The following TRPC4 variants were observed in gnomAD, a reference collection of about 807,000 sequenced individuals.
The protein encoded by TRPC4 is short transient receptor potential channel 4.
A neutral mutation model predicts 99.4 loss-of-function variants in TRPC4; 49 were observed. That is an observed-to-expected ratio of 0.49 (90% CI 0.39 to 0.63). The LOEUF (loss-of-function observed/expected upper bound fraction) is 0.63. Ranked by LOEUF, TRPC4 falls within the 20% of genes least tolerant of loss-of-function variation. The pLI is 0.00. For missense variants in TRPC4, 898 were observed against 1,152.9 expected (o/e 0.78, Z 3.20); for synonymous variants, 454 against 425.9 (o/e 1.07, Z -0.81).
chr13:37,850,465 T>C (rs1377190992), intron 1 of TRPC4, among the ~76,000 whole-genome samples: 1 of 152,214 alleles, frequency 6.6e-6, no homozygotes, highest in Non-Finnish European at 1.5e-5. Context: ...TTGGCAAGAA[T>C]AATATTACTT....
At position 37,812,180 on chromosome 13, in the gene TRPC4, A is replaced by AAAAAAAACAAACAAAC. The variant is rs1555276065; in HGVS notation, c.-27-28821_-27-28820insGTTTGTTTGTTTTTTT. The stretch of plus-strand genomic sequence containing the variant: ...GGCAACAGACTGAGACTCTATCAAA[A>AAAAAAAACAAACAAAC]AAAAAAAAAAAAAAACCAGGAGATC... On this transcript the variant is annotated intron_variant, in intron 1 of 10. Coordinates refer to ENST00000379705, the MANE Select transcript of TRPC4 (RefSeq NM_016179.4). Among the ~76,000 whole-genome samples, 425 of 145,724 alleles carry AAAAAAAACAAACAAAC rather than the reference A, an allele frequency of 2.9e-3. 16 individuals carry two copies. Among genetic ancestry groups the AAAAAAAACAAACAAAC allele is most frequent in the African/African-American group, 0.01 (400 of 38,460 alleles).
chr13:37,849,790 G>A (rs558340765), intron 1 of TRPC4, among the ~76,000 whole-genome samples: 87 of 152,284 alleles, frequency 5.7e-4, no homozygotes, highest in African/African-American at 2.0e-3. Flanking sequence ...TGTGTTGGGA[G>A]CCAATCATGG....
intron 1 of TRPC4, among the ~76,000 whole-genome samples, chr13:37,841,589 A>G (rs925853495): frequency 2.6e-5 from 4 of 152,012 alleles, no homozygotes; most frequent in African/African-American, 7.2e-5. Context: ...AAAAACAGAA[A>G]GAGAAGCTTT....
At chr13:37,869,253 C>T (rs1960000096) in intron 1 of TRPC4, among the ~76,000 whole-genome samples, 1 of 152,010 alleles carries the variant, frequency 6.6e-6, no homozygotes, top group Non-Finnish European at 1.5e-5. Flanking sequence ...TCCCCAGCAC[C>T]ACGGCGTGGC....
intron 1 of TRPC4, among the ~76,000 whole-genome samples, chr13:37,802,332 C>T (rs578119885): frequency 6.6e-6 from 1 of 152,204 alleles, no homozygotes; most frequent in East Asian, 1.9e-4. Flanking sequence ...TTTCAGGATC[C>T]ATCTCAGGAT....
chr13:37,792,921 C>T (rs1237103923), intron 1 of TRPC4, among the ~76,000 whole-genome samples: 1 of 151,818 alleles, frequency 6.6e-6, no homozygotes, highest in Non-Finnish European at 1.5e-5. Flanking sequence ...TTAGGCATTG[C>T]CGTTGTTTTT....
At chr13:37,756,190 A>G (rs763791621) in intron 2 of TRPC4, among the ~76,000 whole-genome samples, 2 of 152,230 alleles carry the variant, frequency 1.3e-5, no homozygotes, top group Non-Finnish European at 2.9e-5. Context: ...ACACACATAC[A>G]TACACACACA....
intron 3 of TRPC4, among the ~76,000 whole-genome samples, chr13:37,739,762 C>T (rs529010743): frequency 2.6e-5 from 4 of 151,938 alleles, no homozygotes; most frequent in Non-Finnish European, 5.9e-5. Flanking sequence ...CCTCGGCCTC[C>T]CAAAGTGCTG....
At chr13:37,667,517 A>C (rs1420225000) in intron 5 of TRPC4, among the ~76,000 whole-genome samples, 1 of 152,146 alleles carries the variant, frequency 6.6e-6, no homozygotes, top group Non-Finnish European at 1.5e-5. Context: ...ACAATTGGCC[A>C]GGCTGGTCTT....
At chr13:37,824,276 C>A (rs1958129019) in intron 1 of TRPC4, among the ~76,000 whole-genome samples, 1 of 146,908 alleles carries the variant, frequency 6.8e-6, no homozygotes, top group African/African-American at 2.5e-5. Flanking sequence ...CCTTCTCCTG[C>A]CTAATTGCCC....
At chr13:37,639,419 A>G (rs1466313763) in intron 8 of TRPC4, 120 bp from the exon 9 acceptor site, 37 of 1,005,618 alleles carry the variant, frequency 3.7e-5, no homozygotes, top group Non-Finnish European at 5.2e-5. Context: ...GAGTTTTACT[A>G]GTCAATGGAC....
In TRPC4 at chr13:37,824,498, G is replaced by T. The variant is rs941469022; in HGVS notation, c.-27-41138C>A. Among the ~76,000 whole-genome samples, 7 of 151,910 alleles carry T rather than the reference G, an allele frequency of 4.6e-5. No individual in the cohort carries two copies. In the East Asian group the frequency reaches 1.2e-3, roughly 25 times the overall value. On this transcript the variant is annotated intron_variant, in intron 1 of 10. Transcript: ENST00000379705. ...TTAGCATGAAGGGTTGTTGAATTTT[G>T]TCAAAGGCCTTTTCTGAATCTATTG...
chr13:37,706,304 C>T (rs964832901), intron 3 of TRPC4, among the ~76,000 whole-genome samples: 21 of 152,076 alleles, frequency 1.4e-4, no homozygotes, highest in African/African-American at 3.9e-4. Context: ...ACAACAAGGA[C>T]GCTTTATATT....
chr13:37,743,316 A>T (rs1309170026), intron 3 of TRPC4, among the ~76,000 whole-genome samples: 1 of 152,184 alleles, frequency 6.6e-6, no homozygotes, highest in African/African-American at 2.4e-5. Context: ...TCATATTAGC[A>T]AGAATACAAA....
chr13:37,841,447 T>G (rs954225515), intron 1 of TRPC4, among the ~76,000 whole-genome samples: 2 of 151,332 alleles, frequency 1.3e-5, no homozygotes, highest in African/African-American at 4.9e-5. Flanking sequence ...CATTTCTAGT[T>G]AAGAGGATGA....
At chr13:37,689,190 C>T (rs1953597250) in intron 4 of TRPC4, among the ~76,000 whole-genome samples, 1 of 152,104 alleles carries the variant, frequency 6.6e-6, no homozygotes, top group African/African-American at 2.4e-5. Flanking sequence ...AGATGTCATT[C>T]ACTCTAAATC....
chr13:37,815,497 C>A (rs529437829), intron 1 of TRPC4, among the ~76,000 whole-genome samples: 1 of 151,660 alleles, frequency 6.6e-6, no homozygotes, highest in Non-Finnish European at 1.5e-5. Context: ...AGACTTTAAA[C>A]GACAGTGATC....
chr13:37,849,251 A>G (rs970920351), intron 1 of TRPC4, among the ~76,000 whole-genome samples: 3 of 152,168 alleles, frequency 2.0e-5, no homozygotes, highest in Non-Finnish European at 4.4e-5. Context: ...TGATTCATCT[A>G]TACCATCAAA....
intron 10 of TRPC4, 54 bp from the exon 11 acceptor site, chr13:37,637,679 T>G: frequency 6.7e-7 from 1 of 1,501,218 alleles, no homozygotes; most frequent in Non-Finnish European, 8.9e-7. Flanking sequence ...TTTGGAAACA[T>G]CATTTTCTCG....
Sources: allele counts gnomAD v4.1 joint callset (sites outside exome capture counted in the v4.1 genomes callset), GRCh38; gene constraint gnomAD v4.1.1; transcripts MANE v1.5; gene names NCBI Gene and HGNC (gene_info 2026-07-23, HGNC 2026-07-21).